Variants in TTLL1 observed in about 807,000 individuals in gnomAD.
TTLL1 encodes polyglutamylase complex subunit TTLL1.
TTLL1 carries 33 observed loss-of-function variants against 47.8 expected under a neutral mutation model. The ratio of observed to expected loss-of-function variants is 0.69; its 90% CI spans 0.52 to 0.92. The LOEUF is 0.92. TTLL1 is among the 40% of genes least tolerant of loss of function. The pLI is 0.00. For missense variants in TTLL1, 488 were observed against 547.5 expected (o/e 0.89, Z 1.08); for synonymous variants, 225 against 214.1 (o/e 1.05, Z -0.45).
intron 10 of TTLL1, among the ~76,000 whole-genome samples, chr22:43,045,205 G>A (rs1601652241): frequency 2.0e-5 from 3 of 152,072 alleles, no homozygotes. Context: ...CAGAATGAAT[G>A]AACCATACTG....
intron 3 of TTLL1, 148 bp downstream of exon 3, chr22:43,075,326 C>T (rs1928411740): frequency 1.4e-6 from 1 of 714,702 alleles, no homozygotes; most frequent in Non-Finnish European, 2.4e-6. Flanking sequence ...CATACTCTCA[C>T]AAAAAACCTT....
At chr22:43,055,056 C>T (rs952715935) in intron 8 of TTLL1, among the ~76,000 whole-genome samples, 4 of 151,454 alleles carry the variant, frequency 2.6e-5, no homozygotes, top group Admixed American at 2.0e-4. Context: ...AGAATCTTAA[C>T]TCTGTCACCC....
At chr22:43,073,108 G>A (rs532395045) in intron 3 of TTLL1, among the ~76,000 whole-genome samples, 103 of 150,328 alleles carry the variant, frequency 6.9e-4, no homozygotes, top group African/African-American at 2.4e-3. Flanking sequence ...TCCGCCTCCT[G>A]GGTTCAAGCA....
At chr22:43,060,592 C>T (rs1249489362) in intron 7 of TTLL1, among the ~76,000 whole-genome samples, 2 of 152,308 alleles carry the variant, frequency 1.3e-5, no homozygotes, top group East Asian at 1.9e-4. Flanking sequence ...CAGGGGACGC[C>T]GGGCTCAGAG....
intron 1 of TTLL1, among the ~76,000 whole-genome samples, chr22:43,082,376 T>A (rs1342998058): frequency 6.6e-6 from 1 of 152,102 alleles, no homozygotes; most frequent in African/African-American, 2.4e-5. Flanking sequence ...TGTTTCTTTT[T>A]CAGGGTTTCT....
In TTLL1 at chr22:43,066,253, C is replaced by A. The variant is rs75811214; in HGVS notation, c.504-1929G>T. The stretch of plus-strand genomic sequence containing the variant: ...ATCTCGTCAGCTGGCAACACGCTCC[C>A]GGCCTCTCACTGTGAGGGGCTGGGT... On this transcript the variant is annotated intron_variant, in intron 5 of 10. Transcript: ENST00000266254. 3.2e-3 allele frequency among the ~76,000 whole-genome samples: 493 copies of A among 152,046 alleles called. 6 individuals are homozygous for A. The highest frequency in any genetic ancestry group is 0.011 in the African/African-American group (471 of 41,474).
chr22:43,058,247 G>A (rs1927157510), intron 8 of TTLL1, among the ~76,000 whole-genome samples: 1 of 152,030 alleles, frequency 6.6e-6, no homozygotes, highest in African/African-American at 2.4e-5. Context: ...CCCGGCCCCG[G>A]AAATATTAAT....
Position 43,059,499 on chromosome 22 carries a change from T to C in TTLL1, c.776A>G (p.Lys259Arg). 6.2e-7 allele frequency: 1 copy of C among 1,613,682 alleles called. No homozygotes were observed. Among genetic ancestry groups the C allele is most frequent in the Non-Finnish European group, 8.5e-7 (1 of 1,179,862 alleles). Residue 259 changes from lysine (K) to arginine (R), a missense_variant, in exon 8 of 11, where the codon AAG (lysine) becomes AGG (arginine). Lys to Arg is a conservative substitution (Grantham distance 26, BLOSUM62 2). Coordinates refer to ENST00000266254, the MANE Select transcript of TTLL1 (RefSeq NM_012263.5). Reference protein sequence around the residue: ...GEDYNHIHGGKWTVSNLRLYL... With the variant: ...GEDYNHIHGGRWTVSNLRLYL... ...GAGCCGCAGGTTACTCACTGTCCACTTGCCCCCATGGATGTGGTTGTAGTC... is the reference window on the plus strand; with the variant it reads ...GAGCCGCAGGTTACTCACTGTCCACCTGCCCCCATGGATGTGGTTGTAGTC...
At position 43,088,324 on chromosome 22, in the gene TTLL1, C is replaced by CTTTTTTTTTTT. The variant is rs1167618669; in HGVS notation, c.-90+942_-90+952dup. Among the ~76,000 whole-genome samples the CTTTTTTTTTTT allele has an allele frequency of 9.0e-4, 51 of 56,488 alleles. 1 individual carries two copies. The highest frequency in any genetic ancestry group is 3.6e-3 in the African/African-American group (49 of 13,660). 37.1% of individuals were successfully genotyped at this position (56,488 alleles called of 152,430 possible). On this transcript the variant is annotated intron_variant, in intron 1 of 10. Coordinates refer to ENST00000266254, the MANE Select transcript of TTLL1 (RefSeq NM_012263.5). The stretch of plus-strand genomic sequence containing the variant: ...AATTTGAGGGCAGAGAAGGGCCCAT[C>CTTTTTTTTTTT]TTTTTTTTTTTTTTTTTTTTTTTTT...
intron 8 of TTLL1, among the ~76,000 whole-genome samples, chr22:43,057,520 G>C (rs1927096812): frequency 6.6e-6 from 1 of 152,164 alleles, no homozygotes; most frequent in South Asian, 2.1e-4. Context: ...CTTTGACATG[G>C]TGGTGATTCT....
chr22:43,075,224 C>A (rs1049075936), intron 3 of TTLL1, among the ~76,000 whole-genome samples: 2 of 152,176 alleles, frequency 1.3e-5, no homozygotes, highest in Non-Finnish European at 2.9e-5. Flanking sequence ...GCTCTTGTTT[C>A]TCACCCAAAC....
intron 3 of TTLL1, chr22:43,070,207 C>T: frequency 7.5e-7 from 1 of 1,337,448 alleles, no homozygotes; most frequent in Non-Finnish European, 9.9e-7. Flanking sequence ...CTCATTTAAA[C>T]AGGATCTGTA....
At chr22:43,041,511 G>A (rs1174894740) in intron 10 of TTLL1, among the ~76,000 whole-genome samples, 2 of 149,318 alleles carry the variant, frequency 1.3e-5, no homozygotes, top group Non-Finnish European at 3.0e-5. Context: ...GAGTAGGTGG[G>A]AAGAAAGCAT....
Position 43,039,828 on chromosome 22 carries a change from C to T in TTLL1, c.1220G>A (p.Arg407Lys), listed in dbSNP as rs1252529452. 1.9e-6 allele frequency: 3 copies of T among 1,614,050 alleles called. No homozygotes were observed. The highest frequency in any genetic ancestry group is 2.5e-6 in the Non-Finnish European group (3 of 1,179,982). The part of the protein sequence containing the change: ...RSRQGQSLGP[R>K]AGRSRDSGRA... ...CCCCGAGTCTCTCGATCGGCCTGCTCTGGGCCCCAGAGACTGACCCTGACG... is the reference window on the plus strand; with the variant it reads ...CCCCGAGTCTCTCGATCGGCCTGCTTTGGGCCCCAGAGACTGACCCTGACG... The change falls in exon 11 of 11, where the codon AGA (arginine) becomes AAA (lysine). Residue 407 changes from arginine to lysine, a missense_variant. Physicochemically the swap from Arg to Lys is conservative, Grantham distance 26. Coordinates refer to ENST00000266254, the MANE Select transcript of TTLL1 (RefSeq NM_012263.5).
chr22:43,052,200 C>T (rs1926688108), intron 8 of TTLL1: 2 of 384,940 alleles, frequency 5.2e-6, no homozygotes, highest in South Asian at 4.7e-5. Context: ...AACGGATGTC[C>T]AGCTCCAAGC....
rs2146959732 is a variant in TTLL1, at chr22:43,046,442, T to G, written c.1110A>C (p.Pro370=). The part of the protein sequence containing the change: ...EIPDCKWNKS[P]PKEVLGNYEI... ...CGTAATTGCCGAGGACTTCCTTAGG[T>G]GGCGACTTGTTCCATTTGCAGTCTG... Residue 370 remains proline, a synonymous_variant, in exon 10 of 11, where the codon CCA becomes CCC. Transcript: ENST00000266254. 6.2e-7 allele frequency: 1 copy of G among 1,614,036 alleles called. No homozygotes were observed. The highest frequency in any genetic ancestry group is 1.3e-5 in the African/African-American group (1 of 74,988).
At position 43,039,598 on chromosome 22, in the gene TTLL1, C is replaced by T. The variant is rs1458100290; in HGVS notation, c.*178G>A. On this transcript the variant is annotated 3_prime_UTR_variant, in exon 11 of 11. Transcript: ENST00000266254. ...AAAAAAAGAGCGAGTTTTATACATC[C>T]GCATGAATTGTTTCCTTTAGCACTA... is the stretch of plus-strand genomic sequence containing the variant. 14 of 653,560 alleles carry T rather than the reference C, an allele frequency of 2.1e-5. No individual in the cohort carries two copies. The highest frequency in any genetic ancestry group is 6.4e-5 in the South Asian group (1 of 15,682). 40.5% of individuals were successfully genotyped at this position (653,560 alleles called of 1,614,324 possible). A position where few individuals can be genotyped will look rare whatever the true frequency, so the allele number is the denominator to read the frequency against.
In TTLL1 at chr22:43,051,885, C is replaced by G. The variant is rs9607998; in HGVS notation, c.894G>C (p.Pro298=). The G allele has an allele frequency of 5.0e-6, 8 of 1,613,742 alleles. No homozygotes were observed. The highest frequency in any genetic ancestry group is 6.8e-6 in the Non-Finnish European group (8 of 1,179,914). ...IIVQSLKAVA[P]VMNNDKHCFE... is the part of the protein sequence containing the mutation. ...AGCAGTGCTTGTCATTGTTCATCAC[C>G]GGCTGGAGAGAGAGTGACCAGTGGG... is the stretch of plus-strand genomic sequence containing the variant. The change falls in exon 9 of 11, where the codon CCG becomes CCC. Residue 298 remains proline (P), a splice_region_variant and synonymous_variant. Coordinates refer to ENST00000266254, the MANE Select transcript of TTLL1 (RefSeq NM_012263.5).
chr22:43,079,150 C>T (rs1210210297), intron 2 of TTLL1, among the ~76,000 whole-genome samples: 4 of 116,270 alleles, frequency 3.4e-5, no homozygotes, highest in Non-Finnish European at 5.5e-5. Context: ...CACCCCAGAG[C>T]GTGAGCCCAT....
Sources: gnomAD v4.1 joint callset for allele counts (sites outside exome capture counted in the v4.1 genomes callset) on GRCh38, gnomAD v4.1.1 for gene constraint, MANE v1.5 for transcripts, NCBI Gene and HGNC (gene_info 2026-07-23, HGNC 2026-07-21) for gene names.